The following PLB1 variants were observed in gnomAD, a reference collection of about 807,000 sequenced individuals.
PLB1 encodes phospholipase B1, also known as phospholipase B1, membrane-associated.
In PLB1, 242 loss-of-function variants were observed where a neutral mutation model predicts 227.4. The ratio of observed to expected loss-of-function variants is 1.06; its 90% CI spans 0.96 to 1.18. The LOEUF is 1.18. Among genes scored for constraint, PLB1 ranks in the 50% most tolerant of loss-of-function variants. The pLI is 0.00. For missense variants in PLB1, 1,858 were observed against 1,816.3 expected (o/e 1.02, Z -0.42); for synonymous variants, 757 against 682.2 (o/e 1.11, Z -1.71).
At chr2:28,536,658 AG>A (rs1671721025) in intron 9 of PLB1, among the ~76,000 whole-genome samples, 1 of 152,250 alleles carries the variant, frequency 6.6e-6, no homozygotes, top group Admixed American at 6.5e-5. Flanking sequence ...CTTCCAAACC[AG>A]GGGGCAAACG....
intron 56 of PLB1, among the ~76,000 whole-genome samples, chr2:28,636,039 GTGTA>G (rs1204881960): frequency 5.5e-5 from 5 of 91,276 alleles, no homozygotes; most frequent in South Asian, 3.5e-4. Context: ...ATGTGTGTGT[GTGTA>G]TGTATGTGTA....
chr2:28,571,451 C>T (rs1193255927), intron 20 of PLB1, among the ~76,000 whole-genome samples: 2 of 152,140 alleles, frequency 1.3e-5, no homozygotes, highest in African/African-American at 4.8e-5. Context: ...TGCAAGCTGA[C>T]CCTAAAATTC....
At chr2:28,525,184 T>C in intron 4 of PLB1, 83 bp from the exon 5 acceptor site, 1 of 1,324,734 alleles carries the variant, frequency 7.5e-7, no homozygotes, top group Non-Finnish European at 1.1e-6. Context: ...GGAGGGGGAG[T>C]TCTGACAGGC....
chr2:28,615,548 G>C (rs1686075679), intron 44 of PLB1, among the ~76,000 whole-genome samples: 1 of 152,210 alleles, frequency 6.6e-6, no homozygotes. Flanking sequence ...ATACCAGATT[G>C]CTGGCTGCGG....
chr2:28,602,797 T>C (rs1684110893), intron 38 of PLB1, 24 bp from the exon 39 acceptor site: 4 of 1,605,280 alleles, frequency 2.5e-6, no homozygotes, highest in Non-Finnish European at 3.4e-6. Context: ...GGAGCCCCCC[T>C]CTCATCTGCA....
At chr2:28,562,828 C>G (rs1397712903) in intron 17 of PLB1, among the ~76,000 whole-genome samples, 1 of 152,014 alleles carries the variant, frequency 6.6e-6, no homozygotes, top group Non-Finnish European at 1.5e-5. Context: ...GTCCAGGTGC[C>G]CCAGAGAGGA....
rs55672002 is a variant in PLB1 at position 28,510,778 on chromosome 2, T to TTGTGTGTGTGTGTGTGTGTGTGTGTG, written c.56-6028_56-6003dup. On this transcript the variant is annotated intron_variant, in intron 1 of 57. Transcript: ENST00000327757. ...GGCATGCACCACCACACTCAGATAA[T>TTGTGTGTGTGTGTGTGTGTGTGTGTG]TGTGTGTGTGTGTGTGTGTGTGTGT... Among the ~76,000 whole-genome samples, 391 of 141,584 alleles carry TTGTGTGTGTGTGTGTGTGTGTGTGTG rather than the reference T, an allele frequency of 2.8e-3. 2 individuals carry two copies. The highest frequency in any genetic ancestry group is 0.01 in the African/African-American group (374 of 36,858). 92.9% of individuals were successfully genotyped at this position (141,584 alleles called of 152,430 possible).
chr2:28,508,814 C>T (rs1667915508), intron 1 of PLB1, among the ~76,000 whole-genome samples: 1 of 152,220 alleles, frequency 6.6e-6, no homozygotes, highest in Admixed American at 6.5e-5. Context: ...AAACCCTGCC[C>T]CTAAGGTCAC....
At chr2:28,626,841 C>T (rs909004022) in intron 51 of PLB1, among the ~76,000 whole-genome samples, 1 of 152,196 alleles carries the variant, frequency 6.6e-6, no homozygotes, top group Admixed American at 6.5e-5. Flanking sequence ...ATCCTCACCC[C>T]ATCCCTGCCC....
At position 28,565,328 on chromosome 2, in the gene PLB1, A is replaced by C; in HGVS notation, c.1255A>C (p.Thr419Pro). The C allele has an allele frequency of 2.5e-6, 4 of 1,611,068 alleles. No homozygotes were observed. Among genetic ancestry groups the C allele is most frequent in the Non-Finnish European group, 3.4e-6 (4 of 1,178,930 alleles). Residue 419 changes from threonine (T) to proline (P), a missense_variant, in exon 19 of 58, where the codon ACT (threonine) becomes CCT (proline). Thr to Pro is a conservative substitution (Grantham distance 38). Transcript: ENST00000327757. The stretch of plus-strand genomic sequence containing the variant: ...ACCTGGGAACGTCTTGGACGTCTTG[A>C]CTCAGTACCGAGGCCTGTCCTGGAG... ...STPGNVLDVLTQYRGLSWSVG... is the reference protein window; with the variant it reads ...STPGNVLDVLPQYRGLSWSVG...
intron 9 of PLB1, among the ~76,000 whole-genome samples, chr2:28,534,456 T>C (rs1671410788): frequency 6.6e-6 from 1 of 152,162 alleles, no homozygotes; most frequent in Admixed American, 6.5e-5. Flanking sequence ...GTTCATTGCA[T>C]GTAGTAAGGT....
chr2:28,637,113 G>GA (rs1689450758), intron 56 of PLB1, among the ~76,000 whole-genome samples: 1 of 151,906 alleles, frequency 6.6e-6, no homozygotes, highest in Admixed American at 6.6e-5. Context: ...AGCCAACATG[G>GA]TGAAACCCCA....
At chr2:28,637,474 C>T (rs1689506604) in intron 56 of PLB1, among the ~76,000 whole-genome samples, 1 of 151,992 alleles carries the variant, frequency 6.6e-6, no homozygotes, top group Non-Finnish European at 1.5e-5. Flanking sequence ...AGATCTGGTC[C>T]CCACAGAGAA....
chr2:28,588,263 C>T (rs1328150272), intron 26 of PLB1, among the ~76,000 whole-genome samples: 2 of 152,166 alleles, frequency 1.3e-5, no homozygotes, highest in Non-Finnish European at 2.9e-5. Flanking sequence ...TAACCAGTAG[C>T]GTTGGAAGGG....
At chr2:28,541,575 C>T (rs918696373) in intron 12 of PLB1, 132 bp from the exon 13 acceptor site, 2 of 645,744 alleles carry the variant, frequency 3.1e-6, no homozygotes, top group African/African-American at 1.8e-5. Context: ...GAGGGAGCTT[C>T]AGAATAGCAC....
intron 1 of PLB1, among the ~76,000 whole-genome samples, chr2:28,515,523 GTCA>G (rs1189533222): frequency 6.6e-6 from 1 of 152,212 alleles, no homozygotes; most frequent in African/African-American, 2.4e-5. Flanking sequence ...GCGGATTCCA[GTCA>G]TCATTCCTTG....
chr2:28,566,288 G>A lies in PLB1; in HGVS notation c.1281-508G>A, dbSNP rs567507986. Among the ~76,000 whole-genome samples the A allele has an allele frequency of 1.1e-4, 16 of 152,270 alleles. 1 individual carries two copies. Among genetic ancestry groups the A allele is most frequent in the African/African-American group, 3.6e-4 (15 of 41,530 alleles). On this transcript the variant is annotated intron_variant, in intron 19 of 57. Transcript: ENST00000327757. ...AAAGCAGGGAATCCAATCCACTCTG[G>A]AATGCTGCATATTTGCATGCCTAGA...
At chr2:28,554,509 T>C (rs1385508423) in intron 17 of PLB1, among the ~76,000 whole-genome samples, 1 of 90,330 alleles carries the variant, frequency 1.1e-5, no homozygotes, top group Non-Finnish European at 2.6e-5. Context: ...TTTTTTTTTT[T>C]TTTTTTTTTA....
intron 14 of PLB1, among the ~76,000 whole-genome samples, chr2:28,546,932 G>T (rs1399195780): frequency 6.6e-6 from 1 of 152,118 alleles, no homozygotes. Context: ...GGGCGTGGTG[G>T]CTCATGCTTG....
Sources: allele counts gnomAD v4.1 joint callset (sites outside exome capture counted in the v4.1 genomes callset), GRCh38; gene constraint gnomAD v4.1.1; transcripts MANE v1.5; gene names NCBI Gene and HGNC (gene_info 2026-07-23, HGNC 2026-07-21).